Variants in TENM1 observed in about 807,000 individuals in gnomAD.
TENM1 encodes the protein teneurin transmembrane protein 1.
Under a neutral mutation model 174.8 loss-of-function variants are expected in TENM1, and 35 were observed. The ratio of observed to expected loss-of-function variants is 0.20; its 90% CI spans 0.15 to 0.27. The LOEUF is 0.27. TENM1 is among the 10% of genes least tolerant of loss of function. TENM1 has a pLI of 1.00. For synonymous variants in TENM1, 781 were observed against 798.7 expected (o/e 0.98, Z 0.37); for missense variants, 1,633 against 2,130.1 (o/e 0.77, Z 4.59).
At chrX:124,545,133 A>G (rs1327839652) in intron 15 of TENM1, among the ~76,000 whole-genome samples, 1 of 111,961 alleles carries the variant, frequency 8.9e-6, no homozygotes, top group Admixed American at 9.5e-5. Context: ...TAGAATGGAT[A>G]TATTTGTAAG....
chrX:125,184,361 T>C, the TENM1 span, among the ~76,000 whole-genome samples: 1 of 107,828 alleles, frequency 9.3e-6, no homozygotes, highest in African/African-American at 3.7e-5. Flanking sequence ...TGACATTATA[T>C]GCAAAATCTC....
intron 27 of TENM1, among the ~76,000 whole-genome samples, chrX:124,393,273 G>T (rs1194047395): frequency 6.3e-5 from 7 of 110,751 alleles, no homozygotes; most frequent in South Asian, 7.6e-4. Flanking sequence ...TAAAAAATCA[G>T]CAGTGGGACA....
chrX:125,097,594 T>C, the TENM1 span, among the ~76,000 whole-genome samples: 1 of 112,394 alleles, frequency 8.9e-6, no homozygotes, highest in African/African-American at 3.2e-5. Context: ...CACTGATTTT[T>C]AGTTCCTTCC....
intron 15 of TENM1, among the ~76,000 whole-genome samples, chrX:124,540,074 T>A (rs996225900): frequency 1.8e-5 from 2 of 112,448 alleles, no homozygotes; most frequent in African/African-American, 6.5e-5. Flanking sequence ...TGATGTTCCA[T>A]GATCCATAGA....
chrX:125,093,815 A>C, the TENM1 span, among the ~76,000 whole-genome samples: 1 of 111,875 alleles, frequency 8.9e-6, no homozygotes, highest in African/African-American at 3.3e-5. Flanking sequence ...AAAGAAAAGC[A>C]TTGTTCTGGG....
intron 15 of TENM1, among the ~76,000 whole-genome samples, chrX:124,537,831 TC>T (rs1449896481): frequency 8.9e-6 from 1 of 112,200 alleles, no homozygotes; most frequent in East Asian, 2.8e-4. Flanking sequence ...TAACTTTACA[TC>T]CTAATGGAGC....
chrX:124,466,126 T>C (rs2061238230), intron 22 of TENM1, among the ~76,000 whole-genome samples: 1 of 111,859 alleles, frequency 8.9e-6, no homozygotes, highest in African/African-American at 3.3e-5. Context: ...TGGATTCCTG[T>C]CGGATAACCA....
the TENM1 span, among the ~76,000 whole-genome samples, chrX:125,078,158 T>C: frequency 9.0e-6 from 1 of 111,231 alleles, no homozygotes; most frequent in African/African-American, 3.3e-5. Context: ...GGCAGGGAAA[T>C]GGCAGAGGAT....
the TENM1 span, among the ~76,000 whole-genome samples, chrX:125,052,193 C>T: frequency 9.0e-6 from 1 of 111,383 alleles, no homozygotes; most frequent in Non-Finnish European, 1.9e-5. Flanking sequence ...AAATGTCAGA[C>T]AGAAAGCATG....
chrX:125,062,823 C>T, the TENM1 span, among the ~76,000 whole-genome samples: 1 of 112,014 alleles, frequency 8.9e-6, no homozygotes, highest in Non-Finnish European at 1.9e-5. Flanking sequence ...ATATGTCTTG[C>T]CAGACTAACT....
At chrX:124,493,707 C>T (rs926933940) in intron 20 of TENM1, among the ~76,000 whole-genome samples, 1 of 111,376 alleles carries the variant, frequency 9.0e-6, no homozygotes, top group Non-Finnish European at 1.9e-5. Flanking sequence ...TCTTGGCCTT[C>T]CTGTTGACTT....
chrX:125,032,416 C>T, the TENM1 span, among the ~76,000 whole-genome samples: 7 of 110,650 alleles, frequency 6.3e-5, no homozygotes, highest in South Asian at 7.7e-4. Flanking sequence ...GTGATCCATC[C>T]GCCTCGGCCT....
chrX:124,815,062 T>A (rs770161497), intron 3 of TENM1, among the ~76,000 whole-genome samples: 2 of 111,889 alleles, frequency 1.8e-5, no homozygotes, highest in East Asian at 5.6e-4. Flanking sequence ...TAGTAATGCA[T>A]AATCAATTGC....
rs773160843 is a variant in TENM1 at position 124,468,428 on chromosome X, G to A, written c.3949+13304C>T. ...CCTGACCTTGTAATCTGCCCGCCTC[G>A]GCCTCCCAAAGTGCTGGGATTACAG... On this transcript the variant is annotated intron_variant, in intron 22 of 31. Coordinates refer to ENST00000422452, the Ensembl canonical transcript of TENM1. 3.6e-5 allele frequency among the ~76,000 whole-genome samples: 4 copies of A among 111,669 alleles called. No homozygotes were observed. The South Asian group carries it at 1.1e-3, about 31-fold the overall frequency.
At chrX:125,198,925 T>A in the TENM1 span, among the ~76,000 whole-genome samples, 2 of 110,906 alleles carry the variant, frequency 1.8e-5, no homozygotes, top group Non-Finnish European at 3.8e-5. Context: ...AAGTTTTTAA[T>A]TTCCTGCCTT....
At chrX:124,578,857 C>T (rs1043586867) in intron 11 of TENM1, among the ~76,000 whole-genome samples, 1 of 111,813 alleles carries the variant, frequency 8.9e-6, no homozygotes, top group Non-Finnish European at 1.9e-5. Flanking sequence ...CAATATTTTC[C>T]CAAAAGTTCA....
chrX:125,110,799 G>C, the TENM1 span, among the ~76,000 whole-genome samples: 2 of 111,938 alleles, frequency 1.8e-5, no homozygotes, highest in African/African-American at 3.2e-5. Flanking sequence ...GTATGGAAGG[G>C]AGCCTCTTTA....
At chrX:124,529,827 T>C (rs1417515333) in intron 16 of TENM1, 37 bp downstream of exon 19, 22 of 1,210,286 alleles carry the variant, frequency 1.8e-5, no homozygotes, top group Non-Finnish European at 2.2e-5. Context: ...AAGTCAGTAA[T>C]TGGCCCCCAC....
At chrX:125,156,512 G>C in the TENM1 span, among the ~76,000 whole-genome samples, 10 of 112,017 alleles carry the variant, frequency 8.9e-5, no homozygotes, top group Non-Finnish European at 5.6e-5. Context: ...TGTGGTATTT[G>C]GTTTTCTGTT....
Sources: allele counts gnomAD v4.1 joint callset (sites outside exome capture counted in the v4.1 genomes callset), GRCh38; gene constraint gnomAD v4.1.1; transcripts MANE v1.5; gene names NCBI Gene and HGNC (gene_info 2026-07-23, HGNC 2026-07-21).